The following TANGO6 variants were observed in gnomAD, a reference collection of about 807,000 sequenced individuals.
TANGO6 encodes transport and golgi organization 6 homolog, also known as transport and Golgi organization protein 6 homolog.
In TANGO6, 90 loss-of-function variants were observed where a neutral mutation model predicts 114.2. The ratio of observed to expected loss-of-function variants is 0.79; its 90% CI spans 0.66 to 0.94. TANGO6 has a LOEUF of 0.94. Among genes scored for constraint, TANGO6 ranks in the 40% least tolerant of loss-of-function variants. The pLI, the probability that TANGO6 is intolerant of heterozygous loss-of-function variation, is 0.00. For synonymous variants in TANGO6, 477 were observed against 509.8 expected (o/e 0.94, Z 0.87); for missense variants, 1,274 against 1,315.3 (o/e 0.97, Z 0.49).
chr16:68,928,065 G>A lies in TANGO6; in HGVS notation c.2625G>A (p.Met875Ile), dbSNP rs776419138. Residue 875 changes from methionine (M) to isoleucine (I), a missense_variant, in exon 13 of 18, where the codon ATG becomes ATA. Coordinates refer to ENST00000261778, the MANE Select transcript of TANGO6 (RefSeq NM_024562.2). ...AGAGAGAAGCAAAAGCCCTTGAGAT[G>A]CAAGAGAAGCTTCTCAAGGTGAGTA... ...IEQREAKALE[M>I]QEKLLKIFLE... The A allele has an allele frequency of 1.3e-6, 2 of 1,585,484 alleles. No individual in the cohort carries two copies. Among genetic ancestry groups the A allele is most frequent in the South Asian group, 1.2e-5 (1 of 86,932 alleles).
At position 69,075,031 on chromosome 16, in the gene TANGO6, G is replaced by C. The variant is rs553082567; in HGVS notation, c.3109-8454G>C. On this transcript the variant is annotated intron_variant, in intron 17 of 17. Transcript: ENST00000261778. ...GCCTGGCTAATTTTTTAGTAGAGAC[G>C]GGGTTTCGCCATGTTGCTCAGGCTG... 2.0e-5 allele frequency among the ~76,000 whole-genome samples: 3 copies of C among 151,788 alleles called. No homozygotes were observed. In the South Asian group the frequency reaches 6.3e-4, roughly 32 times the overall value.
chr16:68,880,512 A>G (rs778709157), intron 6 of TANGO6, 36 bp from the exon 7 acceptor site: 5 of 1,557,398 alleles, frequency 3.2e-6, no homozygotes, highest in South Asian at 2.3e-5. Context: ...TCAGTGAGGC[A>G]CTAAATATGG....
intron 15 of TANGO6, among the ~76,000 whole-genome samples, chr16:68,996,477 G>C (rs1963990365): frequency 6.6e-6 from 1 of 152,186 alleles, no homozygotes; most frequent in African/African-American, 2.4e-5. Context: ...GAAATGCAGG[G>C]AAAAAAGAGT....
At chr16:68,844,834 T>G (rs1961778663) in intron 1 of TANGO6, among the ~76,000 whole-genome samples, 1 of 152,170 alleles carries the variant, frequency 6.6e-6, no homozygotes, top group African/African-American at 2.4e-5. Flanking sequence ...GACTAGTAAG[T>G]GGCAGAATTT....
intron 15 of TANGO6, among the ~76,000 whole-genome samples, chr16:68,993,871 A>G (rs148566762): frequency 6.6e-6 from 1 of 152,218 alleles, no homozygotes; most frequent in African/African-American, 2.4e-5. Flanking sequence ...CTTCCTGATT[A>G]TTACATTTCT....
At chr16:68,928,810 A>G (rs1963203868) in intron 13 of TANGO6, among the ~76,000 whole-genome samples, 1 of 152,242 alleles carries the variant, frequency 6.6e-6, no homozygotes, top group Admixed American at 6.5e-5. Context: ...GACCCAGCCC[A>G]GATAAGCCAC....
At chr16:68,939,577 A>ATT (rs576027928) in intron 14 of TANGO6, among the ~76,000 whole-genome samples, 62 of 137,530 alleles carry the variant, frequency 4.5e-4, no homozygotes, top group African/African-American at 1.2e-3. Context: ...ACTAAAAGGA[A>ATT]TTTTTTTTTT....
At chr16:69,027,278 A>G (rs1296542843) in intron 16 of TANGO6, among the ~76,000 whole-genome samples, 3 of 152,142 alleles carry the variant, frequency 2.0e-5, no homozygotes, top group African/African-American at 4.8e-5. Flanking sequence ...CTTGAGCTTC[A>G]TATATTTTGC....
At chr16:68,915,397 G>A (rs1016626344) in intron 11 of TANGO6, among the ~76,000 whole-genome samples, 1 of 152,070 alleles carries the variant, frequency 6.6e-6, no homozygotes, top group African/African-American at 2.4e-5. Context: ...TTCCTGGGTA[G>A]CCAGGACTAC....
In TANGO6 at chr16:69,051,547, G is replaced by T. The variant is rs145789749; in HGVS notation, c.3108+11126G>T. Among the ~76,000 whole-genome samples, 5 of 152,192 alleles carry T rather than the reference G, an allele frequency of 3.3e-5. No homozygotes were observed. The East Asian group carries it at 9.6e-4, about 29-fold the overall frequency. Reference sequence around the variant, plus strand: ...AAAATACAAAAATTAACTGGGTGTGGTATTGGGTGCCTGTAATCCCAGCTA... The same window carrying T: ...AAAATACAAAAATTAACTGGGTGTGTTATTGGGTGCCTGTAATCCCAGCTA... On this transcript the variant is annotated intron_variant, in intron 17 of 17. Transcript: ENST00000261778.
At chr16:68,955,072 C>T (rs1256292205) in intron 14 of TANGO6, among the ~76,000 whole-genome samples, 1 of 152,136 alleles carries the variant, frequency 6.6e-6, no homozygotes, top group Non-Finnish European at 1.5e-5. Flanking sequence ...TGTAGTACCC[C>T]CCGTTGACCT....
At chr16:68,871,274 T>C (rs1962263738) in intron 4 of TANGO6, among the ~76,000 whole-genome samples, 2 of 152,238 alleles carry the variant, frequency 1.3e-5, no homozygotes, top group Non-Finnish European at 2.9e-5. Context: ...ATCATTCTTA[T>C]CTTTGTTCCT....
intron 15 of TANGO6, among the ~76,000 whole-genome samples, chr16:68,999,627 G>C (rs939441644): frequency 6.6e-6 from 1 of 152,110 alleles, no homozygotes; most frequent in Non-Finnish European, 1.5e-5. Context: ...AAAGAAACAT[G>C]CTCTATATTT....
chr16:68,902,231 C>A, intron 8 of TANGO6, 97 bp from the exon 9 acceptor site: 1 of 1,174,198 alleles, frequency 8.5e-7, no homozygotes, highest in Non-Finnish European at 1.2e-6. Context: ...ATTTAAAATG[C>A]AGTGGAACCT....
At chr16:68,976,676 A>G (rs1460217613) in intron 15 of TANGO6, among the ~76,000 whole-genome samples, 1 of 152,220 alleles carries the variant, frequency 6.6e-6, no homozygotes, top group African/African-American at 2.4e-5. Context: ...AATCAATCAT[A>G]CAGGTGAGAG....
intron 15 of TANGO6, among the ~76,000 whole-genome samples, chr16:69,004,501 G>A (rs563273685): frequency 3.0e-4 from 45 of 152,032 alleles, no homozygotes; most frequent in African/African-American, 9.9e-4. Flanking sequence ...GATTATAGAC[G>A]CTTGCCACCA....
At chr16:68,974,995 C>T (rs902649714) in intron 15 of TANGO6, among the ~76,000 whole-genome samples, 22 of 151,496 alleles carry the variant, frequency 1.5e-4, no homozygotes, top group African/African-American at 4.6e-4. Context: ...GAGGTCGAGG[C>T]TGCAGTGAGC....
At chr16:68,948,162 T>G (rs1290697085) in intron 14 of TANGO6, 3 of 152,176 alleles carry the variant, frequency 2.0e-5, no homozygotes, top group African/African-American at 7.2e-5. Flanking sequence ...AATCAAAGAT[T>G]GATACATTCA....
At chr16:68,955,197 T>G (rs1963517835) in intron 14 of TANGO6, among the ~76,000 whole-genome samples, 1 of 152,254 alleles carries the variant, frequency 6.6e-6, no homozygotes, top group South Asian at 2.1e-4. Context: ...GGAGCTTTTC[T>G]TAATGAAATC....
Sources: allele counts gnomAD v4.1 joint callset (sites outside exome capture counted in the v4.1 genomes callset), GRCh38; gene constraint gnomAD v4.1.1; transcripts MANE v1.5; gene names NCBI Gene and HGNC (gene_info 2026-07-23, HGNC 2026-07-21).